HSPA14: variants seen among roughly 807,000 people sequenced by gnomAD.
HSPA14 encodes heat shock protein family A (Hsp70) member 14.
Under a neutral mutation model 65.5 loss-of-function variants are expected in HSPA14, and 37 were observed. The observed-to-expected ratio is 0.56, with a 90% CI of 0.43 to 0.74. The LOEUF is 0.74. Ranked by LOEUF, HSPA14 falls within the 30% of genes least tolerant of loss-of-function variation. The probability of loss-of-function intolerance (pLI) is 0.00; values close to 1 mark genes in which losing one functional copy is unlikely to be tolerated. For missense variants in HSPA14, 564 were observed against 607.6 expected, an observed-to-expected ratio of 0.93 and a Z score of 0.75; for synonymous variants, 203 against 214.2, an observed-to-expected ratio of 0.95 and a Z score of 0.46.
chr10:14,846,539 C>T lies in HSPA14; in HGVS notation c.222-2070C>T, dbSNP rs928106068. On this transcript the variant is annotated intron_variant, in intron 3 of 13. Transcript: ENST00000378372. ...GGAGACAGTGTGCAAGAAAGCAAGC[C>T]AGGAATCTGCCTATGTGGTAGACCC... 6.1e-6 allele frequency: 6 copies of T among 985,174 alleles called. No homozygotes were observed. In the African/African-American group the frequency reaches 1.0e-4, roughly 17 times the overall value. 61.0% of individuals were successfully genotyped at this position (985,174 alleles called of 1,614,324 possible).
chr10:14,862,182 C>CA (rs773011774), intron 10 of HSPA14, among the ~76,000 whole-genome samples: 2 of 149,948 alleles, frequency 1.3e-5, no homozygotes, highest in Non-Finnish European at 3.0e-5. Context: ...CGCCTGCCAC[C>CA]ACACCCGGCT....
Position 14,842,071 on chromosome 10 carries a change from A to T in HSPA14, c.221+1914A>T. On this transcript the variant is annotated intron_variant, in intron 3 of 13. Coordinates refer to ENST00000378372, the MANE Select transcript of HSPA14 (RefSeq NM_016299.4). This position sits in a 1 kb window ranked among gnomAD's most constrained non-coding sequence, Gnocchi z 5.2. Reference sequence around the variant, plus strand: ...GACCTACTCACAGGTAGCACCACTTAACTTGCTGCCAAAATTATCCTTACA... The same window carrying T: ...GACCTACTCACAGGTAGCACCACTTTACTTGCTGCCAAAATTATCCTTACA... 7.9e-7 allele frequency: 1 copy of T among 1,268,782 alleles called. No homozygotes were observed. The highest frequency in any genetic ancestry group is 1.1e-6 in the Non-Finnish European group (1 of 908,892). 78.6% of individuals were successfully genotyped at this position (1,268,782 alleles called of 1,614,324 possible).
intron 3 of HSPA14, among the ~76,000 whole-genome samples, chr10:14,847,245 A>G (rs570364250): frequency 6.6e-6 from 1 of 152,328 alleles, no homozygotes; most frequent in African/African-American, 2.4e-5. Flanking sequence ...TGGGTGGTAG[A>G]CAACCTACGC....
chr10:14,848,830 C>A lies in HSPA14; in HGVS notation c.311C>A (p.Thr104Asn), dbSNP rs45567440. Residue 104 changes from threonine (T) to asparagine (N), a missense_variant, in exon 5 of 14, where the codon ACT (threonine) becomes AAT (asparagine). Coordinates refer to ENST00000378372, the MANE Select transcript of HSPA14 (RefSeq NM_016299.4). Reference protein sequence around the residue: ...KNGKLRYEIDTGEETKFVNPE... With the variant: ...KNGKLRYEIDNGEETKFVNPE... ...GGGAAATTACGATATGAAATAGATA[C>A]TGGAGAAGAAACAAAATTTGTTAAC... 0.01 allele frequency: 16,403 copies of A among 1,592,444 alleles called. 126 individuals carry two copies. Among genetic ancestry groups the A allele is most frequent in the South Asian group, 0.023 (2,076 of 88,370 alleles).
intron 5 of HSPA14, chr10:14,849,289 G>T (rs765325346): frequency 9.7e-6 from 4 of 411,336 alleles, no homozygotes; most frequent in Non-Finnish European, 1.9e-5. Context: ...GTATTCTGTC[G>T]AACAATTTGG....
intron 3 of HSPA14, chr10:14,843,885 C>T: frequency 2.0e-6 from 3 of 1,536,304 alleles, no homozygotes; most frequent in Non-Finnish European, 2.6e-6. Flanking sequence ...TTTCGAATAC[C>T]AAAAGCTAGG....
At chr10:14,846,070 A>G (rs1175088253) in intron 3 of HSPA14, 3 of 978,776 alleles carry the variant, frequency 3.1e-6, no homozygotes, top group Non-Finnish European at 1.2e-6. Context: ...TGTGGTATTA[A>G]TATTTATTAA....
At chr10:14,864,541 C>T (rs1832788307) in intron 10 of HSPA14, among the ~76,000 whole-genome samples, 2 of 145,118 alleles carry the variant, frequency 1.4e-5, no homozygotes, top group Non-Finnish European at 3.0e-5. Context: ...TCCAAGTGTT[C>T]TCATTGTTCA....
At chr10:14,863,870 G>A (rs546899417) in intron 10 of HSPA14, among the ~76,000 whole-genome samples, 31 of 152,126 alleles carry the variant, frequency 2.0e-4, no homozygotes, top group African/African-American at 6.7e-4. Flanking sequence ...ACAGGGGTGG[G>A]CCCTGATCTG....
At chr10:14,857,779 A>G (rs889554399) in intron 10 of HSPA14, among the ~76,000 whole-genome samples, 1 of 152,190 alleles carries the variant, frequency 6.6e-6, no homozygotes, top group Non-Finnish European at 1.5e-5. Context: ...ATGTATGGCA[A>G]ATATGAAATA....
chr10:14,846,223 A>ATAGG (rs144846967), intron 3 of HSPA14: 110 of 985,188 alleles, frequency 1.1e-4, no homozygotes, highest in Middle Eastern at 1.0e-3. Context: ...TGTGTCAATT[A>ATAGG]TAGGTAGGTA....
chr10:14,843,782 A>G, intron 3 of HSPA14: 1 of 1,536,348 alleles, frequency 6.5e-7, no homozygotes, highest in Non-Finnish European at 8.7e-7. Context: ...CTCCGCAGGG[A>G]TGCTGTCATC....
At chr10:14,866,995 G>A (rs1045488640) in intron 10 of HSPA14, 88 bp from the exon 11 acceptor site, 10 of 867,148 alleles carry the variant, frequency 1.2e-5, no homozygotes, top group Middle Eastern at 2.9e-4. Context: ...CTTTACATAC[G>A]ATGAAGATGA....
chr10:14,846,003 C>G lies in HSPA14; in HGVS notation c.222-2606C>G, dbSNP rs116141823. The G allele has an allele frequency of 1.9e-3, 1,750 of 933,516 alleles. 29 individuals are homozygous for G. The African/African-American group carries it at 0.029, about 16-fold the overall frequency. 57.8% of individuals were successfully genotyped at this position (933,516 alleles called of 1,614,324 possible). A position where few individuals can be genotyped will look rare whatever the true frequency, so the allele number is the denominator to read the frequency against. Reference sequence around the variant, plus strand: ...AACGAAATTTTAATTGTAATATTTTCTGTCACAGCAGCATATGTATATTTG... The same window carrying G: ...AACGAAATTTTAATTGTAATATTTTGTGTCACAGCAGCATATGTATATTTG... On this transcript the variant is annotated intron_variant, in intron 3 of 13. Coordinates refer to ENST00000378372, the MANE Select transcript of HSPA14 (RefSeq NM_016299.4).
intron 12 of HSPA14, among the ~76,000 whole-genome samples, chr10:14,868,548 A>G (rs755005399): frequency 3.9e-5 from 6 of 152,130 alleles, no homozygotes; most frequent in Non-Finnish European, 8.8e-5. Context: ...CAGTATTTGT[A>G]TTACAATGCC....
rs552112261 is a variant in HSPA14, at chr10:14,867,372, C to A, written c.1206+77C>A. 97 of 1,042,538 alleles carry A rather than the reference C, an allele frequency of 9.3e-5. No individual in the cohort carries two copies. In the East Asian group the frequency reaches 2.2e-3, roughly 23 times the overall value. The allele number at this position is 1,042,538 out of a possible 1,614,324, so 64.6% of individuals were successfully genotyped here. A position where few individuals can be genotyped will look rare whatever the true frequency, so the allele number is the denominator to read the frequency against. On this transcript the variant is annotated intron_variant, in intron 11 of 13. Coordinates refer to ENST00000378372, the MANE Select transcript of HSPA14 (RefSeq NM_016299.4). ...TTACATAAAAATAGTAAATTAATTG[C>A]CATAAGTTTTTATACATACCATGAT... is the stretch of plus-strand genomic sequence containing the variant.
intron 1 of HSPA14, among the ~76,000 whole-genome samples, chr10:14,839,622 A>G (rs1382858384): frequency 6.6e-6 from 1 of 152,070 alleles, no homozygotes; most frequent in Non-Finnish European, 1.5e-5. Flanking sequence ...AGAGGTAGGA[A>G]AGGTAACGTA....
Position 14,867,918 on chromosome 10 carries a change from A to G in HSPA14, c.1380+9A>G, listed in dbSNP as rs1244198587. 1.2e-6 allele frequency: 2 copies of G among 1,607,932 alleles called. No individual in the cohort carries two copies. Among genetic ancestry groups the G allele is most frequent in the Admixed American group, 1.7e-5 (1 of 58,584 alleles). ...AAACCAAGTTTGCACAGGTGAATAC[A>G]TAAAGTTAGACACATTAAACTGTTC... On this transcript the variant is annotated intron_variant, in intron 12 of 13. Transcript: ENST00000378372.
chr10:14,843,552 G>T (rs538222597), intron 3 of HSPA14: 1 of 1,550,670 alleles, frequency 6.4e-7, no homozygotes, highest in Non-Finnish European at 8.7e-7. Flanking sequence ...TCTCCTCTTC[G>T]AGAGCTGGTT....
Sources: allele counts gnomAD v4.1 joint callset (sites outside exome capture counted in the v4.1 genomes callset), GRCh38; gene constraint gnomAD v4.1.1; non-coding constraint Gnocchi (gnomAD v3.1); transcripts MANE v1.5; gene names NCBI Gene and HGNC (gene_info 2026-07-23, HGNC 2026-07-21).